The following DCDC2C variants were observed in gnomAD, a reference collection of about 807,000 sequenced individuals.
DCDC2C encodes the protein doublecortin domain containing 2C.
Under a neutral mutation model 45.0 loss-of-function variants are expected in DCDC2C, and 44 were observed. The observed-to-expected ratio is 0.98, with a 90% CI of 0.77 to 1.26. The LOEUF (loss-of-function observed/expected upper bound fraction) is 1.26, where lower values mean the gene tolerates loss of function less well. DCDC2C is among the 50% of genes most tolerant of loss of function. The pLI is 0.00. For synonymous variants in DCDC2C, 187 were observed against 178.8 expected (o/e 1.05, Z -0.37); for missense variants, 447 against 468.9 (o/e 0.95, Z 0.43).
Position 3,836,441 on chromosome 2 carries a change from G to A in DCDC2C, c.1066-10713G>A, listed in dbSNP as rs114860744. Among the ~76,000 whole-genome samples the A allele has an allele frequency of 5.9e-3, 896 of 152,242 alleles. 7 individuals are homozygous for A. Among genetic ancestry groups the A allele is most frequent in the African/African-American group, 0.021 (860 of 41,530 alleles). ...TGGGGCAGCAAACACACGTTAGTTCGGGGGAAATCCAAATAAAGTCTGTTA... is the reference window on the plus strand; with the variant it reads ...TGGGGCAGCAAACACACGTTAGTTCAGGGGAAATCCAAATAAAGTCTGTTA... On this transcript the variant is annotated intron_variant, in intron 10 of 10. Coordinates refer to ENST00000399143, the MANE Select transcript of DCDC2C (RefSeq NM_001287444.2).
rs1435381649 is a variant in DCDC2C at position 3,752,785 on chromosome 2, C to G, written c.568C>G (p.Leu190Val). Residue 190 changes from leucine to valine, a missense_variant, in exon 5 of 11, where the codon CTT (leucine) becomes GTT (valine). Physicochemically the swap from Leu to Val is conservative, Grantham distance 32 (BLOSUM62 1). Coordinates refer to ENST00000399143, the MANE Select transcript of DCDC2C (RefSeq NM_001287444.2). ...CAGATTATTTACAATGAATGGGCATCTTTTGGGCGACTCAAAGGATTTGCA... is the reference window on the plus strand; with the variant it reads ...CAGATTATTTACAATGAATGGGCATGTTTTGGGCGACTCAAAGGATTTGCA... ...VRKLFTMNGH[L>V]LGDSKDLQDN... The G allele has an allele frequency of 6.4e-7, 1 of 1,550,460 alleles. No homozygotes were observed. Among genetic ancestry groups the G allele is most frequent in the South Asian group, 1.2e-5 (1 of 84,060 alleles).
intron 6 of DCDC2C, among the ~76,000 whole-genome samples, chr2:3,765,687 T>G (rs1194147672): frequency 1.3e-5 from 2 of 152,202 alleles, no homozygotes; most frequent in Non-Finnish European, 2.9e-5. Flanking sequence ...GGTTCTAGGC[T>G]CTGGGAATTC....
intron 10 of DCDC2C, among the ~76,000 whole-genome samples, chr2:3,827,247 G>A (rs6748936): frequency 0.31 from 46,473 of 152,020 alleles, 7,566 homozygotes; most frequent in African/African-American, 0.4. Context: ...CATATGGAGT[G>A]GAGGACATCT....
intron 10 of DCDC2C, among the ~76,000 whole-genome samples, chr2:3,804,276 C>T (rs1254101573): frequency 1.3e-5 from 2 of 152,214 alleles, no homozygotes; most frequent in African/African-American, 4.8e-5. Context: ...TCAGCCTCTG[C>T]AATGGAAATT....
chr2:3,770,020 C>T (rs569608843), intron 8 of DCDC2C, among the ~76,000 whole-genome samples: 549 of 152,184 alleles, frequency 3.6e-3, no homozygotes, highest in Admixed American at 4.8e-3. Flanking sequence ...TGAGAAGGGG[C>T]GGGGTCAGGC....
At chr2:3,785,023 CG>C (rs1670613556) in intron 9 of DCDC2C, 35 bp from the exon 10 acceptor site, 1 of 1,221,652 alleles carries the variant, frequency 8.2e-7, no homozygotes, top group Non-Finnish European at 1.0e-6. Context: ...ATCCTTCTTG[CG>C]ATAGTTGATT....
intron 10 of DCDC2C, among the ~76,000 whole-genome samples, chr2:3,827,392 G>T (rs192625997): frequency 6.6e-6 from 1 of 152,126 alleles, no homozygotes; most frequent in Non-Finnish European, 1.5e-5. Context: ...AGAGGGTCAG[G>T]TGGTTCTCAG....
At chr2:3,752,616 G>T (rs763657887) in intron 4 of DCDC2C, 147 bp from the exon 5 acceptor site, 33 of 940,300 alleles carry the variant, frequency 3.5e-5, no homozygotes, top group Non-Finnish European at 4.9e-5. Context: ...GGTTTAATTG[G>T]CCCGTTTGGA....
chr2:3,832,255 A>AAGT (rs1671970688), intron 10 of DCDC2C, among the ~76,000 whole-genome samples: 1 of 152,234 alleles, frequency 6.6e-6, no homozygotes. Context: ...CCTATAGCAC[A>AAGT]AGTTTTCATT....
At chr2:3,824,691 G>C (rs1288107641) in intron 10 of DCDC2C, among the ~76,000 whole-genome samples, 1 of 150,010 alleles carries the variant, frequency 6.7e-6, no homozygotes, top group Non-Finnish European at 1.5e-5. Context: ...TCAGCTCTAG[G>C]TTTCTCTTCC....
chr2:3,810,110 A>G (rs145560896), intron 10 of DCDC2C, among the ~76,000 whole-genome samples: 28,218 of 152,226 alleles, frequency 0.19, 3,018 homozygotes, highest in South Asian at 0.36. Flanking sequence ...TGTATACCCA[A>G]TAATGGGATT....
intron 10 of DCDC2C, among the ~76,000 whole-genome samples, chr2:3,831,806 T>C (rs115561577): frequency 0.012 from 1,877 of 152,340 alleles, 41 homozygotes; most frequent in African/African-American, 0.043. Flanking sequence ...TCCGCCTCTC[T>C]GAATGTTATT....
intron 10 of DCDC2C, among the ~76,000 whole-genome samples, chr2:3,813,384 T>C (rs1244659895): frequency 6.6e-6 from 1 of 152,096 alleles, no homozygotes; most frequent in Admixed American, 6.6e-5. Context: ...GTATATTCTG[T>C]TGATTTGGGG....
intron 8 of DCDC2C, among the ~76,000 whole-genome samples, chr2:3,769,736 G>A (rs1355157284): frequency 2.0e-5 from 3 of 152,152 alleles, no homozygotes; most frequent in East Asian, 1.9e-4. Context: ...TGGCTGCCTC[G>A]CTCACTGTTG....
At chr2:3,754,154 G>A (rs1201469849) in intron 5 of DCDC2C, among the ~76,000 whole-genome samples, 5 of 152,084 alleles carry the variant, frequency 3.3e-5, no homozygotes, top group Non-Finnish European at 7.3e-5. Flanking sequence ...GTCAACAGGA[G>A]GCCACATGCA....
intron 4 of DCDC2C, among the ~76,000 whole-genome samples, chr2:3,751,674 C>T (rs1278891449): frequency 6.6e-6 from 1 of 152,202 alleles, no homozygotes; most frequent in African/African-American, 2.4e-5. Flanking sequence ...TAGATTCCTC[C>T]TTTCCATGCC....
chr2:3,739,329 G>A (rs540009022), intron 3 of DCDC2C, among the ~76,000 whole-genome samples: 49 of 152,300 alleles, frequency 3.2e-4, no homozygotes, highest in African/African-American at 1.1e-3. Context: ...CCACCCAATG[G>A]ACCTGCGTGA....
At chr2:3,773,196 C>A (rs972212494) in intron 8 of DCDC2C, among the ~76,000 whole-genome samples, 1 of 152,112 alleles carries the variant, frequency 6.6e-6, no homozygotes, top group African/African-American at 2.4e-5. Context: ...AGAGAGAAGG[C>A]GATTCACTGG....
rs1027580973 is a variant in DCDC2C at position 3,727,036 on chromosome 2, C to T, written c.373C>T (p.Pro125Ser). 1 of 1,550,236 alleles carries T rather than the reference C, an allele frequency of 6.5e-7. No individual in the cohort carries two copies. Among genetic ancestry groups the T allele is most frequent in the African/African-American group, 1.4e-5 (1 of 72,986 alleles). Reference protein sequence around the residue: ...KPVVHCDINVPSKWQTYHRIS... With the variant: ...KPVVHCDINVSSKWQTYHRIS... ...AGTGGTGCATTGTGATATAAATGTG[C>T]CTTCCAAGTGGCAAACATATCATCG... The change falls in exon 3 of 11, where the codon CCT becomes TCT. Residue 125 changes from proline (P) to serine (S), a missense_variant. Coordinates refer to ENST00000399143, the MANE Select transcript of DCDC2C (RefSeq NM_001287444.2).
Sources: gnomAD v4.1 joint callset for allele counts (sites outside exome capture counted in the v4.1 genomes callset) on GRCh38, gnomAD v4.1.1 for gene constraint, MANE v1.5 for transcripts, NCBI Gene and HGNC (gene_info 2026-07-23, HGNC 2026-07-21) for gene names.